DOCK9: variants seen among roughly 807,000 people sequenced by gnomAD.
DOCK9 encodes dedicator of cytokinesis protein 9.
In DOCK9, 89 loss-of-function variants were observed where a neutral mutation model predicts 263.3. That is an observed-to-expected ratio of 0.34 (90% CI 0.28 to 0.40). The LOEUF is 0.40. DOCK9 is among the 10% of genes least tolerant of loss of function. The probability of loss-of-function intolerance (pLI) is 1.00; values close to 1 mark genes in which losing one functional copy is unlikely to be tolerated. For synonymous variants in DOCK9, 976 were observed against 973.1 expected (o/e 1.00, Z -0.06); for missense variants, 2,140 against 2,603.4 (o/e 0.82, Z 3.87).
At chr13:99,010,178 T>C (rs1359685749) in intron 1 of DOCK9, among the ~76,000 whole-genome samples, 3 of 152,232 alleles carry the variant, frequency 2.0e-5, no homozygotes, top group African/African-American at 7.2e-5. Flanking sequence ...GCTGTTAAAG[T>C]TCTAACCGAG....
At chr13:98,899,053 T>A (rs796629568) in intron 13 of DOCK9, among the ~76,000 whole-genome samples, 10 of 9,976 alleles carry the variant, frequency 1.0e-3, no homozygotes, top group African/African-American at 1.9e-3. Context: ...CATTACTTAA[T>A]TTTTTTTTTT....
intron 52 of DOCK9, among the ~76,000 whole-genome samples, chr13:98,795,264 T>A (rs1033540459): frequency 1.3e-5 from 2 of 152,210 alleles, no homozygotes; most frequent in Admixed American, 1.3e-4. Flanking sequence ...GCATTTGTGT[T>A]TCTCTCCTGC....
At chr13:98,914,012 G>A (rs1019485221) in intron 9 of DOCK9, among the ~76,000 whole-genome samples, 3 of 152,076 alleles carry the variant, frequency 2.0e-5, no homozygotes, top group Admixed American at 1.3e-4. Context: ...TAGAAAGTAC[G>A]ATGCTATTAT....
chr13:98,958,299 C>A (rs1204455965), intron 1 of DOCK9, among the ~76,000 whole-genome samples: 4 of 152,236 alleles, frequency 2.6e-5, no homozygotes, highest in African/African-American at 9.6e-5. Flanking sequence ...TCCCTGCCCA[C>A]CAGCTCCAGC....
chr13:99,060,222 C>T (rs905640745), intron 1 of DOCK9, among the ~76,000 whole-genome samples: 11 of 151,524 alleles, frequency 7.3e-5, no homozygotes, highest in African/African-American at 2.4e-4. Context: ...TACAGGCACC[C>T]GTCACCGCAC....
Position 98,915,431 on chromosome 13 carries a change from T to C in DOCK9, c.790A>G (p.Ser264Gly). Residue 264 changes from serine to glycine, a missense_variant, in exon 8 of 53, where the codon AGT (serine) becomes GGT (glycine). Ser to Gly is a moderately conservative substitution (Grantham distance 56). Coordinates refer to ENST00000682017, the MANE Select transcript of DOCK9 (RefSeq NM_001366683.2). ...ATCCATTCTTCCATTTCCACTTCAC[T>C]GTCTGCTGCCAAGAGATAACTACTT... ...DKSSYLLAAD[S>G]EVEMEEWITI... 1 of 1,614,008 alleles carries C rather than the reference T, an allele frequency of 6.2e-7. No homozygotes were observed. Among genetic ancestry groups the C allele is most frequent in the Non-Finnish European group, 8.5e-7 (1 of 1,179,878 alleles).
chr13:99,035,798 T>C (rs942635565), intron 1 of DOCK9, among the ~76,000 whole-genome samples: 4 of 152,196 alleles, frequency 2.6e-5, no homozygotes, highest in Non-Finnish European at 5.9e-5. Flanking sequence ...TTTGGTCAAA[T>C]ACATGTGGAT....
intron 1 of DOCK9, among the ~76,000 whole-genome samples, chr13:98,968,692 T>C (rs1380927040): frequency 6.6e-6 from 1 of 152,196 alleles, no homozygotes; most frequent in Non-Finnish European, 1.5e-5. Flanking sequence ...TTATAGACTG[T>C]AAGAAATTTT....
At chr13:99,073,338 TCTCTC>T (rs1228860041) in intron 1 of DOCK9, among the ~76,000 whole-genome samples, 3 of 151,652 alleles carry the variant, frequency 2.0e-5, no homozygotes, top group Middle Eastern at 3.4e-3. Context: ...CTCTCTTCTT[TCTCTC>T]CTCTCTTCTT....
chr13:98,893,057 T>C (rs1161836623), intron 15 of DOCK9, among the ~76,000 whole-genome samples: 1 of 152,258 alleles, frequency 6.6e-6, no homozygotes, highest in Admixed American at 6.5e-5. Flanking sequence ...TGTTTGTGAT[T>C]TATGTGCTGC....
At chr13:98,944,394 A>AG (rs2056422809) in intron 2 of DOCK9, among the ~76,000 whole-genome samples, 2 of 151,596 alleles carry the variant, frequency 1.3e-5, no homozygotes, top group African/African-American at 4.8e-5. Flanking sequence ...AAAAAAAAAA[A>AG]AAAAAAAGCT....
At position 98,837,479 on chromosome 13, in the gene DOCK9, C is replaced by A; in HGVS notation, c.4314+15G>T. ...AAGGTAAAACTAGAACCACGAACAG[C>A]AAATTGATACAAACCTTAAACGCCA... On this transcript the variant is annotated intron_variant, in intron 39 of 52. Coordinates refer to ENST00000682017, the MANE Select transcript of DOCK9 (RefSeq NM_001366683.2). 6.3e-7 allele frequency: 1 copy of A among 1,582,510 alleles called. No individual in the cohort carries two copies. The highest frequency in any genetic ancestry group is 8.7e-7 in the Non-Finnish European group (1 of 1,152,402).
At chr13:99,035,638 C>T (rs1429280332) in intron 1 of DOCK9, among the ~76,000 whole-genome samples, 1 of 152,206 alleles carries the variant, frequency 6.6e-6, no homozygotes, top group African/African-American at 2.4e-5. Context: ...GTAGAGTCAT[C>T]AATCAACCCT....
At chr13:98,797,571 A>G (rs1331430090) in intron 50 of DOCK9, 82 bp from the exon 51 acceptor site, 2 of 1,259,102 alleles carry the variant, frequency 1.6e-6, no homozygotes, top group Non-Finnish European at 2.3e-6. Flanking sequence ...TGCAGGCACT[A>G]AAAAGCCCGT....
intron 25 of DOCK9, among the ~76,000 whole-genome samples, chr13:98,881,111 G>T (rs1205990914): frequency 6.6e-6 from 1 of 152,060 alleles, no homozygotes; most frequent in Admixed American, 6.5e-5. Flanking sequence ...TAAATAACTT[G>T]TTGATGTTTA....
chr13:98,906,207 G>C (rs1291842690), intron 9 of DOCK9, among the ~76,000 whole-genome samples: 1 of 152,186 alleles, frequency 6.6e-6, no homozygotes, highest in African/African-American at 2.4e-5. Flanking sequence ...GAAGGCTGGA[G>C]TTCCAGCCTT....
intron 45 of DOCK9, among the ~76,000 whole-genome samples, chr13:98,823,969 C>T (rs1415169076): frequency 1.3e-5 from 2 of 152,144 alleles, no homozygotes; most frequent in Non-Finnish European, 2.9e-5. Flanking sequence ...GACCAGGACC[C>T]GAGTCTGGCC....
intron 1 of DOCK9, among the ~76,000 whole-genome samples, chr13:99,056,594 G>C (rs2040934371): frequency 6.6e-6 from 1 of 152,164 alleles, no homozygotes; most frequent in Non-Finnish European, 1.5e-5. Flanking sequence ...GTCATTTCTG[G>C]ATGGATTTAT....
At chr13:98,922,000 A>G (rs2052089277) in intron 6 of DOCK9, 51 bp downstream of exon 6, 2 of 1,417,796 alleles carry the variant, frequency 1.4e-6, no homozygotes, top group South Asian at 2.5e-5. Context: ...CTCGAGCTCT[A>G]TGGCAGAAAG....
Sources: gnomAD v4.1 joint callset for allele counts (sites outside exome capture counted in the v4.1 genomes callset) on GRCh38, gnomAD v4.1.1 for gene constraint, MANE v1.5 for transcripts, NCBI Gene and HGNC (gene_info 2026-07-23, HGNC 2026-07-21) for gene names.